The following ST18 variants were observed in gnomAD, a reference collection of about 807,000 sequenced individuals.
The protein encoded by ST18 is suppression of tumorigenicity 18 protein.
Under a neutral mutation model 110.0 loss-of-function variants are expected in ST18, and 50 were observed. The ratio of observed to expected loss-of-function variants is 0.45; its 90% CI spans 0.36 to 0.58. The LOEUF (loss-of-function observed/expected upper bound fraction) is 0.58. ST18 is among the 20% of genes least tolerant of loss of function. The pLI is 0.00. For synonymous variants in ST18, 461 were observed against 452.4 expected (o/e 1.02, Z -0.24); for missense variants, 1,306 against 1,280.1 (o/e 1.02, Z -0.31).
intron 8 of ST18, 51 bp from the exon 9 acceptor site, chr8:52,180,363 G>A (rs369054887): frequency 1.9e-6 from 3 of 1,588,398 alleles, no homozygotes; most frequent in Non-Finnish European, 1.7e-6. Flanking sequence ...ATTTACTGCT[G>A]TTTGGCATTT....
chr8:52,240,177 T>C (rs949311565), intron 2 of ST18, among the ~76,000 whole-genome samples: 1 of 152,172 alleles, frequency 6.6e-6, no homozygotes, highest in African/African-American at 2.4e-5. Context: ...GCTTTTCTGG[T>C]TCTCATTAGT....
rs112922704 is a variant in ST18 at position 52,276,767 on chromosome 8, C to CTT, written c.-464-46692_-464-46691dup. 3.1e-3 allele frequency among the ~76,000 whole-genome samples: 430 copies of CTT among 140,734 alleles called. 2 individuals carry two copies. The highest frequency in any genetic ancestry group is 9.6e-3 in the African/African-American group (366 of 38,260). The allele number at this position is 140,734 out of a possible 152,430, so 92.3% of individuals were successfully genotyped here. ...ACCCAAATTATAAAACCTATAAAAT[C>CTT]TTTTTTTTTTTTTTTTGAGACAGAG... On this transcript the variant is annotated intron_variant, in intron 2 of 25. Coordinates refer to ENST00000689386, the MANE Select transcript of ST18 (RefSeq NM_001352837.2).
chr8:52,400,108 T>C (rs1842418295), intron 2 of ST18, among the ~76,000 whole-genome samples: 1 of 152,132 alleles, frequency 6.6e-6, no homozygotes, highest in African/African-American at 2.4e-5. Context: ...GGTGCATATA[T>C]ATTTCCAATT....
intron 2 of ST18, among the ~76,000 whole-genome samples, chr8:52,323,086 AT>A: frequency 6.6e-6 from 1 of 152,316 alleles, no homozygotes; most frequent in African/African-American, 2.4e-5. Flanking sequence ...AGAAATCAGG[AT>A]TCATTCTACA....
Position 52,133,315 on chromosome 8 carries a change from G to A in ST18, c.2301-14C>T. The A allele has an allele frequency of 6.2e-7, 1 of 1,614,126 alleles. No individual in the cohort carries two copies. On this transcript the variant is annotated splice_polypyrimidine_tract_variant and intron_variant, in intron 19 of 25. Transcript: ENST00000689386. ...GGGGTTGGACACCTGGAAGGCACAGGAAGAGAGCATGGGCTGAGAAGTTGT... is the reference window on the plus strand; with the variant it reads ...GGGGTTGGACACCTGGAAGGCACAGAAAGAGAGCATGGGCTGAGAAGTTGT...
intron 2 of ST18, chr8:52,313,341 C>T (rs1305500657): frequency 6.6e-6 from 1 of 152,402 alleles, no homozygotes; most frequent in Non-Finnish European, 1.5e-5. Flanking sequence ...AAGAAGCCCT[C>T]AAAATGTGTC....
intron 16 of ST18, among the ~76,000 whole-genome samples, chr8:52,149,288 A>T (rs1200685859): frequency 2.0e-5 from 3 of 152,232 alleles, no homozygotes; most frequent in African/African-American, 7.2e-5. Flanking sequence ...AGGTATGCTA[A>T]CACAGTCCCT....
At chr8:52,312,797 C>T (rs2095945371) in intron 2 of ST18, among the ~76,000 whole-genome samples, 1 of 152,272 alleles carries the variant, frequency 6.6e-6, no homozygotes, top group Non-Finnish European at 1.5e-5. Flanking sequence ...GGCTTTGCTG[C>T]CTTGGCCACC....
intron 2 of ST18, among the ~76,000 whole-genome samples, chr8:52,232,951 T>C (rs1352231576): frequency 3.9e-5 from 6 of 152,038 alleles, no homozygotes; most frequent in Non-Finnish European, 8.8e-5. Context: ...GCTGGGAGAA[T>C]GTAAGCACAT....
At chr8:52,137,971 C>T (rs2053169015) in intron 17 of ST18, among the ~76,000 whole-genome samples, 1 of 151,494 alleles carries the variant, frequency 6.6e-6, no homozygotes, top group Admixed American at 6.6e-5. Context: ...CATGGTGGTG[C>T]ATGCCTGTAA....
At chr8:52,177,003 T>C (rs1389355939) in intron 9 of ST18, among the ~76,000 whole-genome samples, 1 of 152,206 alleles carries the variant, frequency 6.6e-6, no homozygotes, top group African/African-American at 2.4e-5. Flanking sequence ...TGAAAGATAA[T>C]GTGTTAAAAG....
At chr8:52,162,681 T>C (rs187529722) in intron 13 of ST18, among the ~76,000 whole-genome samples, 118 of 152,338 alleles carry the variant, frequency 7.7e-4, no homozygotes, top group Non-Finnish European at 1.5e-3. Context: ...TGGTTGTTAT[T>C]TGGATTAAAC....
At chr8:52,185,081 C>G (rs577862597) in intron 8 of ST18, among the ~76,000 whole-genome samples, 1 of 152,130 alleles carries the variant, frequency 6.6e-6, no homozygotes, top group South Asian at 2.1e-4. Context: ...TCTACAGATA[C>G]AATTTAAAAA....
intron 2 of ST18, among the ~76,000 whole-genome samples, chr8:52,235,940 A>C (rs1589064747): frequency 6.6e-6 from 1 of 152,214 alleles, no homozygotes; most frequent in Non-Finnish European, 1.5e-5. Flanking sequence ...ATACTAAACT[A>C]AACTGGGTAG....
intron 2 of ST18, among the ~76,000 whole-genome samples, chr8:52,291,753 A>G (rs941295112): frequency 4.6e-5 from 7 of 152,100 alleles, no homozygotes; most frequent in African/African-American, 1.7e-4. Context: ...GTAAATAAAC[A>G]AGGTTTTTTT....
At chr8:52,382,871 G>A (rs1554860711) in intron 2 of ST18, among the ~76,000 whole-genome samples, 1 of 151,980 alleles carries the variant, frequency 6.6e-6, no homozygotes, top group Non-Finnish European at 1.5e-5. Context: ...GGCTCTCGGG[G>A]GACACGCCCT....
intron 2 of ST18, among the ~76,000 whole-genome samples, chr8:52,376,285 C>T (rs564864974): frequency 2.6e-4 from 39 of 152,308 alleles, no homozygotes; most frequent in African/African-American, 8.4e-4. Context: ...TCTCTTTCCA[C>T]TCCACCTACA....
chr8:52,149,805 A>G lies in ST18; in HGVS notation c.1979T>C (p.Leu660Pro). ...AGTGTCCCAGCCCTCTTGGTCACAA[A>G]GAGCCTGATAGAATGCTGCATTGAC... ...ILVNAAFYQA[L>P]CDQEGWDTPI... The change falls in exon 16 of 26, where the codon CTT becomes CCT. Residue 660 changes from leucine (L) to proline (P), a missense_variant. Leu to Pro is a moderately conservative substitution (Grantham distance 98, BLOSUM62 -3). Transcript: ENST00000689386. 1 of 1,614,192 alleles carries G rather than the reference A, an allele frequency of 6.2e-7. No homozygotes were observed. Among genetic ancestry groups the G allele is most frequent in the Non-Finnish European group, 8.5e-7 (1 of 1,180,022 alleles).
At chr8:52,360,203 C>A (rs983757887) in intron 2 of ST18, among the ~76,000 whole-genome samples, 1 of 152,000 alleles carries the variant, frequency 6.6e-6, no homozygotes, top group East Asian at 1.9e-4. Flanking sequence ...GCATATTGTA[C>A]TCATACCTAC....
Sources: allele counts gnomAD v4.1 joint callset (sites outside exome capture counted in the v4.1 genomes callset), GRCh38; gene constraint gnomAD v4.1.1; transcripts MANE v1.5; gene names NCBI Gene and HGNC (gene_info 2026-07-23, HGNC 2026-07-21).